Variants in TAOK3 observed in about 807,000 individuals in gnomAD.
The protein encoded by TAOK3 is TAO kinase 3.
TAOK3 carries 40 observed loss-of-function variants against 120.4 expected under a neutral mutation model. The observed-to-expected ratio is 0.33, with a 90% CI of 0.26 to 0.43. The LOEUF is 0.43. Ranked by LOEUF, TAOK3 falls within the 20% of genes least tolerant of loss-of-function variation. The pLI is 1.00. For missense variants in TAOK3, 821 were observed against 1,112.1 expected (o/e 0.74, Z 3.72); for synonymous variants, 355 against 387.5 (o/e 0.92, Z 0.99).
chr12:118,320,285 T>C (rs1234808005), intron 1 of TAOK3, among the ~76,000 whole-genome samples: 1 of 152,146 alleles, frequency 6.6e-6, no homozygotes, highest in Non-Finnish European at 1.5e-5. Flanking sequence ...CATAATTATT[T>C]CCTTATGACA....
rs557068294 is a variant in TAOK3, at chr12:118,315,637, C to A, written c.-193-48878G>T. 2.2e-4 allele frequency among the ~76,000 whole-genome samples: 34 copies of A among 152,106 alleles called. No individual in the cohort carries two copies. In the South Asian group the frequency reaches 6.9e-3, roughly 31 times the overall value. On this transcript the variant is annotated intron_variant, in intron 1 of 20. Transcript: ENST00000392533. ...AAAAATTAATTCTGAGAGATAGGAT[C>A]ATGGATATTGGTTATATTCTGCAAG...
At chr12:118,229,609 T>C (rs1342500044) in intron 9 of TAOK3, among the ~76,000 whole-genome samples, 2 of 152,142 alleles carry the variant, frequency 1.3e-5, no homozygotes, top group Non-Finnish European at 2.9e-5. Flanking sequence ...AGGTCTTCAT[T>C]ATACTAGTAA....
intron 1 of TAOK3, among the ~76,000 whole-genome samples, chr12:118,351,086 C>T (rs767767002): frequency 3.3e-5 from 5 of 151,402 alleles, no homozygotes; most frequent in Non-Finnish European, 5.9e-5. Context: ...GGCTGAGGCA[C>T]GAGAATCACT....
At chr12:118,237,085 T>C (rs936675102) in intron 7 of TAOK3, among the ~76,000 whole-genome samples, 7 of 152,194 alleles carry the variant, frequency 4.6e-5, no homozygotes, top group African/African-American at 1.7e-4. Context: ...GATAATTTTA[T>C]TTAATCAGTA....
At chr12:118,306,987 T>C (rs1277340912) in intron 1 of TAOK3, among the ~76,000 whole-genome samples, 1 of 152,218 alleles carries the variant, frequency 6.6e-6, no homozygotes, top group Non-Finnish European at 1.5e-5. Context: ...TTAATTTTCA[T>C]TTAAATAGCT....
At chr12:118,269,768 G>C (rs1255988854) in intron 1 of TAOK3, among the ~76,000 whole-genome samples, 6 of 152,110 alleles carry the variant, frequency 3.9e-5, no homozygotes. Flanking sequence ...AGACTTCTAG[G>C]AATTAAGCCT....
chr12:118,340,750 A>AATGT (rs2044581310), intron 1 of TAOK3, among the ~76,000 whole-genome samples: 1 of 151,580 alleles, frequency 6.6e-6, no homozygotes, highest in Non-Finnish European at 1.5e-5. Context: ...AAATATTCAG[A>AATGT]ATGTATGTCT....
At chr12:118,334,137 C>CA (rs57605394) in intron 1 of TAOK3, among the ~76,000 whole-genome samples, 1,971 of 77,248 alleles carry the variant, frequency 0.026, 26 homozygotes, top group East Asian at 0.1. Flanking sequence ...CTCCCATCTC[C>CA]AAAAAAAAAA....
At chr12:118,212,847 G>C (rs1199572683) in intron 11 of TAOK3, 67 bp downstream of exon 11, 7 of 1,129,990 alleles carry the variant, frequency 6.2e-6, no homozygotes, top group Non-Finnish European at 7.8e-6. Flanking sequence ...CCACAGGAAT[G>C]ATTTATTATA....
At chr12:118,243,651 T>C (rs1226449790) in intron 4 of TAOK3, 135 bp from the exon 5 acceptor site, 2 of 453,234 alleles carry the variant, frequency 4.4e-6, no homozygotes, top group Non-Finnish European at 7.7e-6. Context: ...GAAGAAGCTA[T>C]TTAAACATGC....
chr12:118,241,172 C>T (rs1370431311), intron 5 of TAOK3, among the ~76,000 whole-genome samples: 3 of 150,972 alleles, frequency 2.0e-5, no homozygotes, highest in African/African-American at 4.9e-5. Context: ...TAATTTAGAA[C>T]AATGAGAGGT....
At position 118,152,590 on chromosome 12, in the gene TAOK3, A is replaced by G. The variant is rs113714955; in HGVS notation, c.2353-181T>C. On this transcript the variant is annotated intron_variant, in intron 19 of 20. Transcript: ENST00000392533. The stretch of plus-strand genomic sequence containing the variant: ...AATCAAAAACAGTCAAGTCTGCCCA[A>G]TGGGCTACAATACCAAACACATTCT... The G allele has an allele frequency of 2.1e-3, 1,247 of 580,754 alleles. 10 individuals carry two copies. The highest frequency in any genetic ancestry group is 0.02 in the African/African-American group (1,051 of 53,840). 36.0% of individuals were successfully genotyped at this position (580,754 alleles called of 1,614,324 possible).
intron 1 of TAOK3, among the ~76,000 whole-genome samples, chr12:118,319,844 G>A (rs2043628654): frequency 6.6e-6 from 1 of 152,034 alleles, no homozygotes; most frequent in African/African-American, 2.4e-5. Context: ...TCTACTCCCA[G>A]TTATATACCC....
At position 118,353,711 on chromosome 12, in the gene TAOK3, G is replaced by A. The variant is rs73412981; in HGVS notation, c.-194+18937C>T. Among the ~76,000 whole-genome samples the A allele has an allele frequency of 1.7e-3, 254 of 152,274 alleles. 3 individuals carry two copies. Among genetic ancestry groups the A allele is most frequent in the Admixed American group, 5.4e-3 (83 of 15,296 alleles). On this transcript the variant is annotated intron_variant, in intron 1 of 20. Coordinates refer to ENST00000392533, the MANE Select transcript of TAOK3 (RefSeq NM_016281.4). Reference sequence around the variant, plus strand: ...ACGAGGTGCAGTGCATTTTACCAGCGATGTAATGAGCCTTGAGACTATTAT... The same window carrying A: ...ACGAGGTGCAGTGCATTTTACCAGCAATGTAATGAGCCTTGAGACTATTAT...
chr12:118,298,630 G>A (rs974101271), intron 1 of TAOK3, among the ~76,000 whole-genome samples: 4 of 152,006 alleles, frequency 2.6e-5, no homozygotes, highest in Admixed American at 6.6e-5. Flanking sequence ...GATATGTTAT[G>A]GGGGAAAAAA....
Position 118,160,742 on chromosome 12 carries a change from C to A in TAOK3, c.2140-384G>T, listed in dbSNP as rs534856406. Among the ~76,000 whole-genome samples, 1 of 151,200 alleles carries A rather than the reference C, an allele frequency of 6.6e-6. No homozygotes were observed. The highest frequency in any genetic ancestry group is 1.5e-5 in the Non-Finnish European group (1 of 67,740). ...TTCCATTGTTCATTGTTTTTCCCCC[C>A]TTTTTTTTTGTTTCTGTGTTTCACC... On this transcript the variant is annotated intron_variant, in intron 18 of 20. Coordinates refer to ENST00000392533, the MANE Select transcript of TAOK3 (RefSeq NM_016281.4). The surrounding 1 kb of genome is among the most constrained non-coding windows in gnomAD (Gnocchi z 4.2).
intron 1 of TAOK3, among the ~76,000 whole-genome samples, chr12:118,369,021 A>AAAG (rs1166887233): frequency 1.8e-4 from 27 of 146,894 alleles, no homozygotes; most frequent in East Asian, 1.8e-3. Flanking sequence ...AAAAAAAAAA[A>AAAG]AAGAAGAAGA....
intron 7 of TAOK3, among the ~76,000 whole-genome samples, chr12:118,237,537 T>C (rs1420006923): frequency 6.6e-6 from 1 of 152,116 alleles, no homozygotes; most frequent in Non-Finnish European, 1.5e-5. Context: ...ACATATTACT[T>C]AAATTCTGTG....
At chr12:118,239,507 T>C (rs956330169) in intron 5 of TAOK3, among the ~76,000 whole-genome samples, 1 of 152,206 alleles carries the variant, frequency 6.6e-6, no homozygotes. Flanking sequence ...GGACTAGATA[T>C]AGAAATATTC....
Sources: gnomAD v4.1 joint callset for allele counts (sites outside exome capture counted in the v4.1 genomes callset) on GRCh38, gnomAD v4.1.1 for gene constraint, Gnocchi (gnomAD v3.1) non-coding constraint, MANE v1.5 for transcripts, NCBI Gene and HGNC (gene_info 2026-07-23, HGNC 2026-07-21) for gene names.